EEF2K: variants seen among roughly 807,000 people sequenced by gnomAD.
The protein encoded by EEF2K is alternative protein EEF2K.
In EEF2K, 70 loss-of-function variants were observed where a neutral mutation model predicts 93.8. The ratio of observed to expected loss-of-function variants is 0.75; its 90% CI spans 0.62 to 0.91. The LOEUF is 0.91. Ranked by LOEUF, EEF2K falls within the 40% of genes least tolerant of loss-of-function variation. The probability of loss-of-function intolerance (pLI) is 0.00; values close to 1 mark genes in which losing one functional copy is unlikely to be tolerated. For missense variants in EEF2K, 935 were observed against 972.9 expected, an observed-to-expected ratio of 0.96 and a Z score of 0.52; for synonymous variants, 376 against 380.8, an observed-to-expected ratio of 0.99 and a Z score of 0.15.
At chr16:22,250,111 ATGTTG>A (rs2141669138) in intron 4 of EEF2K, among the ~76,000 whole-genome samples, 2 of 149,938 alleles carry the variant, frequency 1.3e-5, no homozygotes, top group South Asian at 4.3e-4. Context: ...AGGTCTTGCT[ATGTTG>A]CCCAGGCTGG....
rs762995630 is a variant in EEF2K, at chr16:22,266,401, G to T, written c.1452G>T (p.Glu484Asp). The T allele has an allele frequency of 4.3e-6, 7 of 1,613,986 alleles. No homozygotes were observed. The Admixed American group carries it at 8.3e-5, about 19-fold the overall frequency. The change falls in exon 14 of 18, where the codon GAG (glutamate) becomes GAT (aspartate). Residue 484 changes from glutamate (E) to aspartate (D), a missense_variant. Glu to Asp is a conservative substitution (Grantham distance 45, BLOSUM62 2). Transcript: ENST00000263026. ...SLGSSGRVCVEKWNLLNSSRL... is the reference protein window; with the variant it reads ...SLGSSGRVCVDKWNLLNSSRL... ...TTCTTTCCCTTCAGGTATGTGTAGA[G>T]AAGTGGAATCTCCTCAACTCCTCCC...
chr16:22,280,545 T>C (rs923717713), intron 17 of EEF2K, among the ~76,000 whole-genome samples, 169 bp downstream of exon 17: 2 of 152,228 alleles, frequency 1.3e-5, no homozygotes, highest in African/African-American at 4.8e-5. Flanking sequence ...TTAATGGTTA[T>C]ATATTACGGC....
Position 22,229,495 on chromosome 16 carries a change from G to C in EEF2K, c.246+3520G>C, listed in dbSNP as rs11863189. The stretch of plus-strand genomic sequence containing the variant: ...GGGCAGGCAGATCACCTGAGGTCAG[G>C]AGTTTGAGACCAGCCTGGCCAACAT... On this transcript the variant is annotated intron_variant, in intron 2 of 17. Coordinates refer to ENST00000263026, the MANE Select transcript of EEF2K (RefSeq NM_013302.5). 1.8e-3 allele frequency among the ~76,000 whole-genome samples: 278 copies of C among 152,246 alleles called. 2 individuals carry two copies. Among genetic ancestry groups the C allele is most frequent in the African/African-American group, 6.5e-3 (270 of 41,538 alleles).
At chr16:22,261,859 G>T (rs1328113647) in intron 11 of EEF2K, among the ~76,000 whole-genome samples, 1 of 151,768 alleles carries the variant, frequency 6.6e-6, no homozygotes, top group Non-Finnish European at 1.5e-5. Context: ...ATAAAAATTA[G>T]CCAGGCATGG....
At chr16:22,256,711 G>A in intron 6 of EEF2K, 37 bp from the exon 7 acceptor site, 1 of 1,604,192 alleles carries the variant, frequency 6.2e-7, no homozygotes, top group Non-Finnish European at 8.5e-7. Flanking sequence ...AGGTGCGCCT[G>A]GGCCCTCCCG....
intron 3 of EEF2K, among the ~76,000 whole-genome samples, chr16:22,248,418 G>A (rs2047316415): frequency 6.6e-6 from 1 of 152,160 alleles, no homozygotes; most frequent in Non-Finnish European, 1.5e-5. Context: ...AGACAGACAT[G>A]GGTCTGCTTT....
intron 11 of EEF2K, among the ~76,000 whole-genome samples, chr16:22,262,568 C>T (rs2047476339): frequency 6.6e-6 from 1 of 152,208 alleles, no homozygotes; most frequent in East Asian, 1.9e-4. Flanking sequence ...AAATATTGTT[C>T]CCAATGCTAT....
intron 1 of EEF2K, among the ~76,000 whole-genome samples, chr16:22,210,556 G>C (rs2046905469): frequency 6.6e-6 from 1 of 152,176 alleles, no homozygotes; most frequent in South Asian, 2.1e-4. Context: ...TTAAGGAAGT[G>C]ATGACTGCAT....
intron 1 of EEF2K, among the ~76,000 whole-genome samples, chr16:22,224,617 A>G: frequency 6.7e-6 from 1 of 150,236 alleles, no homozygotes; most frequent in East Asian, 2.0e-4. Context: ...AGCCTGGATG[A>G]CAGAGCAAGA....
At chr16:22,271,539 C>A (rs577854535) in intron 15 of EEF2K, among the ~76,000 whole-genome samples, 10 of 151,436 alleles carry the variant, frequency 6.6e-5, no homozygotes, top group Admixed American at 1.3e-4. Flanking sequence ...CCCCCCACCC[C>A]CAAAAAAACA....
intron 10 of EEF2K, among the ~76,000 whole-genome samples, chr16:22,260,137 T>C (rs959434981): frequency 6.6e-6 from 1 of 152,150 alleles, no homozygotes; most frequent in Admixed American, 6.6e-5. Context: ...CTGCATTTTA[T>C]TGAGGACCAA....
At chr16:22,246,718 C>G (rs2047295983) in intron 3 of EEF2K, among the ~76,000 whole-genome samples, 1 of 151,764 alleles carries the variant, frequency 6.6e-6, no homozygotes. Context: ...TGTCTCTCAC[C>G]CCTTGTTGTC....
At chr16:22,247,735 T>A (rs995357963) in intron 3 of EEF2K, among the ~76,000 whole-genome samples, 1 of 152,188 alleles carries the variant, frequency 6.6e-6, no homozygotes, top group Non-Finnish European at 1.5e-5. Context: ...TGAGTCTTCA[T>A]TCTGAAGGCT....
intron 3 of EEF2K, among the ~76,000 whole-genome samples, chr16:22,244,943 A>G (rs1021329524): frequency 2.0e-5 from 3 of 152,162 alleles, no homozygotes; most frequent in African/African-American, 7.2e-5. Context: ...TAGACAGGCT[A>G]GACTGAGCTA....
intron 2 of EEF2K, among the ~76,000 whole-genome samples, chr16:22,237,698 A>C (rs1255912017): frequency 6.6e-6 from 1 of 152,182 alleles, no homozygotes; most frequent in Non-Finnish European, 1.5e-5. Context: ...GCATTACCTA[A>C]ATACATTCTC....
chr16:22,233,233 C>T (rs985786045), intron 2 of EEF2K, among the ~76,000 whole-genome samples: 4 of 152,150 alleles, frequency 2.6e-5, no homozygotes, highest in Admixed American at 6.5e-5. Flanking sequence ...AGGGGAAGCA[C>T]ATCACCAGGG....
At position 22,250,718 on chromosome 16, in the gene EEF2K, G is replaced by A. The variant is rs777139324; in HGVS notation, c.446+27G>A. 5.6e-6 allele frequency: 9 copies of A among 1,614,070 alleles called. No homozygotes were observed. The South Asian group carries it at 9.9e-5, about 18-fold the overall frequency. ...TAAGTGACTCAGCCTGGCTCTTGGG[G>A]CCCTGCCCAGAGTCCCCCCAGGCTC... is the stretch of plus-strand genomic sequence containing the variant. On this transcript the variant is annotated intron_variant, in intron 5 of 17. Transcript: ENST00000263026.
At chr16:22,271,324 C>T (rs1299063453) in intron 15 of EEF2K, among the ~76,000 whole-genome samples, 1 of 151,986 alleles carries the variant, frequency 6.6e-6, no homozygotes, top group Non-Finnish European at 1.5e-5. Flanking sequence ...GAACATTTGA[C>T]AATTGACTCT....
chr16:22,229,452 C>T (rs927383980), intron 2 of EEF2K, among the ~76,000 whole-genome samples: 4 of 152,136 alleles, frequency 2.6e-5, no homozygotes, highest in South Asian at 2.1e-4. Context: ...CGGTGGCTCA[C>T]GCCTGTAATC....
Sources: allele counts gnomAD v4.1 joint callset (sites outside exome capture counted in the v4.1 genomes callset), GRCh38; gene constraint gnomAD v4.1.1; transcripts MANE v1.5; gene names NCBI Gene and HGNC (gene_info 2026-07-23, HGNC 2026-07-21).